RNF38: variants seen among roughly 807,000 people sequenced by gnomAD.
RNF38 encodes the protein ring finger protein 38.
A neutral mutation model predicts 67.2 loss-of-function variants in RNF38; 15 were observed. The ratio of observed to expected loss-of-function variants is 0.22; its 90% CI spans 0.15 to 0.34. RNF38 has a LOEUF of 0.34. RNF38 is among the 10% of genes least tolerant of loss of function. The pLI, the probability that RNF38 is intolerant of heterozygous loss-of-function variation, is 1.00. For synonymous variants in RNF38, 220 were observed against 218.8 expected (o/e 1.01, Z -0.05); for missense variants, 524 against 639.9 (o/e 0.82, Z 1.95).
chr9:36,358,138 C>A (rs1834264634), intron 4 of RNF38, among the ~76,000 whole-genome samples, 196 bp from the exon 5 acceptor site: 1 of 152,072 alleles, frequency 6.6e-6, no homozygotes, highest in Non-Finnish European at 1.5e-5. Context: ...TATACTATTT[C>A]CACAAAATTG....
At chr9:36,343,799 A>C (rs1833019344) in intron 10 of RNF38, among the ~76,000 whole-genome samples, 1 of 152,204 alleles carries the variant, frequency 6.6e-6, no homozygotes, top group Non-Finnish European at 1.5e-5. Flanking sequence ...AGACACAAAA[A>C]GACCCTATAT....
intron 2 of RNF38, among the ~76,000 whole-genome samples, chr9:36,380,422 A>C (rs1167981293): frequency 6.6e-6 from 1 of 151,682 alleles, no homozygotes; most frequent in African/African-American, 2.4e-5. Flanking sequence ...CTGGTCTCGA[A>C]CTCCTGACCT....
intron 1 of RNF38, among the ~76,000 whole-genome samples, chr9:36,465,389 C>G (rs925473352): frequency 8.5e-5 from 13 of 152,084 alleles, no homozygotes; most frequent in Admixed American, 7.2e-4. Context: ...TCTTGTTGCC[C>G]AGGCTGGAGT....
At chr9:36,346,466 C>T (rs537063121) in intron 9 of RNF38, among the ~76,000 whole-genome samples, 7 of 152,204 alleles carry the variant, frequency 4.6e-5, no homozygotes, top group Non-Finnish European at 1.0e-4. Context: ...GCTGGGACTA[C>T]AGGAGTGAGC....
chr9:36,348,285 A>C (rs532268393), intron 9 of RNF38, among the ~76,000 whole-genome samples: 3 of 151,546 alleles, frequency 2.0e-5, no homozygotes, highest in East Asian at 3.9e-4. Context: ...GGATGGCAAA[A>C]CCTTATCTCT....
At chr9:36,380,135 A>T (rs1836100248) in intron 2 of RNF38, among the ~76,000 whole-genome samples, 1 of 152,262 alleles carries the variant, frequency 6.6e-6, no homozygotes, top group Admixed American at 6.5e-5. Context: ...TTTATGATAA[A>T]ATCACGGACA....
At chr9:36,441,522 A>C (rs1317834537) in intron 1 of RNF38, among the ~76,000 whole-genome samples, 2 of 151,936 alleles carry the variant, frequency 1.3e-5, no homozygotes, top group African/African-American at 4.8e-5. Context: ...GCGGGGTTTC[A>C]CCACACTGGC....
chr9:36,486,589 G>A (rs900579908), intron 1 of RNF38, among the ~76,000 whole-genome samples: 2 of 152,140 alleles, frequency 1.3e-5, no homozygotes, highest in Non-Finnish European at 2.9e-5. Flanking sequence ...AGTAATTCCA[G>A]CTGAATTGGT....
At chr9:36,459,634 C>T (rs1839678846) in intron 1 of RNF38, among the ~76,000 whole-genome samples, 2 of 152,096 alleles carry the variant, frequency 1.3e-5, no homozygotes, top group South Asian at 4.1e-4. Context: ...TATGTGTGTA[C>T]ATACTCCATC....
intron 1 of RNF38, among the ~76,000 whole-genome samples, chr9:36,425,732 A>G (rs1203840219): frequency 6.6e-6 from 1 of 152,238 alleles, no homozygotes; most frequent in African/African-American, 2.4e-5. Context: ...TAATCTTGGA[A>G]TAAGAAAAAC....
chr9:36,411,647 C>T (rs368496161), intron 2 of RNF38, among the ~76,000 whole-genome samples: 4 of 152,080 alleles, frequency 2.6e-5, no homozygotes, highest in African/African-American at 4.8e-5. Flanking sequence ...CTACAACCTC[C>T]GCCTCCCAGG....
In RNF38 at chr9:36,338,863, T is replaced by C. The variant is rs1436694865; in HGVS notation, c.*889A>G. ...TGATTGAAATGCTAATATTGCTAAC[T>C]GATGATATATGATATTGCACCTTCT... On this transcript the variant is annotated 3_prime_UTR_variant, in exon 12 of 12. Coordinates refer to ENST00000259605, the MANE Select transcript of RNF38 (RefSeq NM_022781.5). The C allele has an allele frequency of 3.9e-5, 6 of 152,630 alleles. No individual in the cohort carries two copies. Among genetic ancestry groups the C allele is most frequent in the African/African-American group, 1.4e-4 (6 of 41,432 alleles). The allele number at this position is 152,630 out of a possible 1,614,324, so 9.5% of individuals were successfully genotyped here. A position where few individuals can be genotyped will look rare whatever the true frequency, so the allele number is the denominator to read the frequency against.
intron 2 of RNF38, among the ~76,000 whole-genome samples, chr9:36,411,716 C>G (rs1838330660): frequency 6.6e-6 from 1 of 151,932 alleles, no homozygotes; most frequent in African/African-American, 2.4e-5. Flanking sequence ...TACCTGCCAC[C>G]ACACTGGACT....
rs926337193 is a variant in RNF38 at position 36,469,486 on chromosome 9, C to T, written n.241+17822G>A. Among the ~76,000 whole-genome samples, 11 of 151,504 alleles carry T rather than the reference C, an allele frequency of 7.3e-5. No individual in the cohort carries two copies. The South Asian group carries it at 1.5e-3, about 20-fold the overall frequency. ...ACCAGCCTGACCAACATGGAGAAAC[C>T]CCATCTCTACTAAAAATACAAAAAA... On this transcript the variant is annotated intron_variant and non_coding_transcript_variant, in intron 1 of 3. Transcript: ENST00000488058.
intron 1 of RNF38, among the ~76,000 whole-genome samples, chr9:36,463,362 T>C (rs1839780825): frequency 1.3e-5 from 2 of 152,198 alleles, no homozygotes; most frequent in Admixed American, 1.3e-4. Flanking sequence ...ACAAGCCTTC[T>C]GTTATTTAGA....
intron 9 of RNF38, among the ~76,000 whole-genome samples, chr9:36,349,055 T>A (rs2133439243): frequency 6.6e-6 from 1 of 152,302 alleles, no homozygotes; most frequent in Admixed American, 6.5e-5. Flanking sequence ...ATGCTAAATC[T>A]ACACTGCCCA....
chr9:36,454,517 G>T (rs1209753573), intron 1 of RNF38, among the ~76,000 whole-genome samples: 2 of 150,568 alleles, frequency 1.3e-5, no homozygotes, highest in African/African-American at 4.9e-5. Flanking sequence ...ATTATGTTAG[G>T]TGTTTCTGAA....
At chr9:36,402,049 T>A (rs1316889072), upstream of RNF38, among the ~76,000 whole-genome samples, 1 of 152,196 alleles carries the variant, frequency 6.6e-6, no homozygotes, top group Non-Finnish European at 1.5e-5. Flanking sequence ...TTGTCTCCCA[T>A]ATCAGACTGA....
intron 7 of RNF38, 28 bp from the exon 8 acceptor site, chr9:36,352,876 G>A: frequency 6.8e-7 from 1 of 1,468,954 alleles, no homozygotes; most frequent in East Asian, 2.3e-5. Context: ...TTAAGATTTA[G>A]AATCACTCTA....
Sources: gnomAD v4.1 joint callset for allele counts (sites outside exome capture counted in the v4.1 genomes callset) on GRCh38, gnomAD v4.1.1 for gene constraint, MANE v1.5 for transcripts, NCBI Gene and HGNC (gene_info 2026-07-23, HGNC 2026-07-21) for gene names.